PTPRN2: variants seen among roughly 807,000 people sequenced by gnomAD.
PTPRN2 encodes the protein protein tyrosine phosphatase receptor type N2.
In PTPRN2, 74 loss-of-function variants were observed where a neutral mutation model predicts 118.8. The observed-to-expected ratio is 0.62, with a 90% CI of 0.52 to 0.76. The LOEUF is 0.76. PTPRN2 is among the 30% of genes least tolerant of loss of function. PTPRN2 has a pLI of 0.00. For missense variants in PTPRN2, 1,481 were observed against 1,394.4 expected (o/e 1.06, Z -0.99); for synonymous variants, 641 against 608.0 (o/e 1.05, Z -0.80).
At chr7:158,061,977 C>G (rs1267978144) in intron 11 of PTPRN2, among the ~76,000 whole-genome samples, 1 of 152,266 alleles carries the variant, frequency 6.6e-6, no homozygotes, top group Non-Finnish European at 1.5e-5. Context: ...TGGTGTCCCA[C>G]GAAGGCGGAG....
intron 14 of PTPRN2, among the ~76,000 whole-genome samples, chr7:157,646,681 C>T (rs1242767602): frequency 6.6e-6 from 1 of 152,152 alleles, no homozygotes; most frequent in Non-Finnish European, 1.5e-5. Context: ...AGGTACAGAA[C>T]AGAGTCCCAG....
intron 12 of PTPRN2, among the ~76,000 whole-genome samples, chr7:157,793,378 CCT>C (rs904280097): frequency 1.3e-5 from 2 of 151,538 alleles, no homozygotes; most frequent in African/African-American, 4.9e-5. Context: ...CTGTGGACCC[CCT>C]GTGTACCCTG....
rs1025899133 is a variant in PTPRN2 at position 157,937,201 on chromosome 7, C to A, written c.1724-38464G>T. On this transcript the variant is annotated intron_variant, in intron 11 of 22. Coordinates refer to ENST00000389418, the MANE Select transcript of PTPRN2 (RefSeq NM_002847.5). Reference sequence around the variant, plus strand: ...GCCGTGAGCATGGCTGTGGTGGGTCCTTAGCCCGAGTGACCACGTGAACTT... The same window carrying A: ...GCCGTGAGCATGGCTGTGGTGGGTCATTAGCCCGAGTGACCACGTGAACTT... 2.0e-5 allele frequency among the ~76,000 whole-genome samples: 3 copies of A among 152,190 alleles called. 1 individual carries two copies. Among genetic ancestry groups the A allele is most frequent in the Admixed American group, 1.3e-4 (2 of 15,280 alleles).
At chr7:158,191,315 C>G (rs1825747156) in intron 5 of PTPRN2, among the ~76,000 whole-genome samples, 1 of 152,184 alleles carries the variant, frequency 6.6e-6, no homozygotes, top group South Asian at 2.1e-4. Context: ...TCAGGCTTTC[C>G]TGTCTCACAC....
chr7:157,830,904 T>C (rs1360319507), intron 12 of PTPRN2, among the ~76,000 whole-genome samples: 1 of 152,210 alleles, frequency 6.6e-6, no homozygotes, highest in African/African-American at 2.4e-5. Flanking sequence ...GCTTCCAGGC[T>C]GCACGCTGGG....
At chr7:158,547,612 T>C (rs1275591729) in intron 1 of PTPRN2, among the ~76,000 whole-genome samples, 2 of 152,234 alleles carry the variant, frequency 1.3e-5, no homozygotes, top group East Asian at 3.9e-4. Context: ...GAAAGGGGCC[T>C]GTTGGAGGAC....
intron 1 of PTPRN2, among the ~76,000 whole-genome samples, chr7:158,567,129 G>C (rs1313782311): frequency 6.6e-6 from 1 of 152,232 alleles, no homozygotes; most frequent in African/African-American, 2.4e-5. Flanking sequence ...ACAGCTCCCT[G>C]TGCTTCTAAT....
intron 1 of PTPRN2, among the ~76,000 whole-genome samples, chr7:158,513,801 G>A (rs990056961): frequency 4.6e-5 from 7 of 152,200 alleles, no homozygotes; most frequent in Admixed American, 2.0e-4. Flanking sequence ...GCCGGGCAGC[G>A]GGAATGTTTT....
chr7:157,793,061 G>A (rs1804620025), intron 12 of PTPRN2, among the ~76,000 whole-genome samples: 1 of 152,006 alleles, frequency 6.6e-6, no homozygotes, highest in African/African-American at 2.4e-5. Context: ...CAGAATTAAT[G>A]GGACCCCTCT....
intron 3 of PTPRN2, among the ~76,000 whole-genome samples, chr7:158,205,529 G>A (rs945183826): frequency 6.6e-6 from 1 of 152,280 alleles, no homozygotes; most frequent in African/African-American, 2.4e-5. Flanking sequence ...GAGAAAGCTG[G>A]CCAAATAGAA....
chr7:158,192,179 G>A lies in PTPRN2; in HGVS notation c.549+148C>T, dbSNP rs572037172. 61 of 945,574 alleles carry A rather than the reference G, an allele frequency of 6.5e-5. No homozygotes were observed. The African/African-American group carries it at 9.3e-4, about 14-fold the overall frequency. 58.6% of individuals were successfully genotyped at this position (945,574 alleles called of 1,614,324 possible). A position where few individuals can be genotyped will look rare whatever the true frequency, so the allele number is the denominator to read the frequency against. Reference sequence around the variant, plus strand: ...CAGGTGTCGCTCTAAGGGGCCCCAGGAACACCGAAGCCCTGTTCACAGGAT... The same window carrying A: ...CAGGTGTCGCTCTAAGGGGCCCCAGAAACACCGAAGCCCTGTTCACAGGAT... On this transcript the variant is annotated intron_variant, in intron 5 of 22. Transcript: ENST00000389418.
intron 12 of PTPRN2, among the ~76,000 whole-genome samples, chr7:157,765,214 CCCAT>C (rs1251619969): frequency 4.0e-5 from 6 of 149,612 alleles, no homozygotes; most frequent in East Asian, 2.0e-4. Context: ...CCATCCTTCA[CCCAT>C]CCATCCATCC....
At chr7:158,216,147 TA>T (rs1275148033) in intron 3 of PTPRN2, among the ~76,000 whole-genome samples, 1 of 152,116 alleles carries the variant, frequency 6.6e-6, no homozygotes, top group Admixed American at 6.6e-5. Context: ...CTGGTAAAAT[TA>T]TGACACCAGT....
At chr7:157,685,648 C>G (rs1797149778) in intron 12 of PTPRN2, among the ~76,000 whole-genome samples, 1 of 152,246 alleles carries the variant, frequency 6.6e-6, no homozygotes, top group South Asian at 2.1e-4. Flanking sequence ...CTGCTGTCGC[C>G]GGGACCCTCG....
chr7:158,065,130 CGA>C (rs1402393982), intron 11 of PTPRN2, among the ~76,000 whole-genome samples: 27 of 152,162 alleles, frequency 1.8e-4, no homozygotes, highest in African/African-American at 4.8e-4. Context: ...CGACTCGGGA[CGA>C]GAGAAACGCC....
chr7:158,390,299 A>G (rs557445314), intron 2 of PTPRN2, among the ~76,000 whole-genome samples: 21 of 152,366 alleles, frequency 1.4e-4, no homozygotes, highest in African/African-American at 4.6e-4. Context: ...CACCTGGAAC[A>G]GCAATGAACT....
At chr7:157,569,111 G>T (rs1054977535) in intron 20 of PTPRN2, 145 bp from the exon 21 acceptor site, 2 of 804,636 alleles carry the variant, frequency 2.5e-6, no homozygotes, top group Non-Finnish European at 4.1e-6. Flanking sequence ...GAGGAAGGAC[G>T]CGGGCTGGGA....
intron 12 of PTPRN2, among the ~76,000 whole-genome samples, chr7:157,713,419 G>C (rs182374821): frequency 2.0e-5 from 3 of 152,150 alleles, no homozygotes; most frequent in Admixed American, 2.0e-4. Flanking sequence ...AATAGTGTAC[G>C]TAGGTAGAAA....
chr7:158,092,818 G>C (rs1041924073), intron 10 of PTPRN2, among the ~76,000 whole-genome samples: 2 of 152,144 alleles, frequency 1.3e-5, no homozygotes, highest in African/African-American at 4.8e-5. Context: ...TCAGCCTCGA[G>C]GTAGAGGCAC....
Sources: gnomAD v4.1 joint callset for allele counts (sites outside exome capture counted in the v4.1 genomes callset) on GRCh38, gnomAD v4.1.1 for gene constraint, MANE v1.5 for transcripts, NCBI Gene and HGNC (gene_info 2026-07-23, HGNC 2026-07-21) for gene names.